COLEC12: variants seen among roughly 807,000 people sequenced by gnomAD.
COLEC12 encodes collectin-12.
A neutral mutation model predicts 71.1 loss-of-function variants in COLEC12; 33 were observed. The ratio of observed to expected loss-of-function variants is 0.46; its 90% CI spans 0.35 to 0.62. COLEC12 has a LOEUF of 0.62. Ranked by LOEUF, COLEC12 falls within the 20% of genes least tolerant of loss-of-function variation. COLEC12 has a pLI of 0.00. For missense variants in COLEC12, 765 were observed against 916.1 expected (o/e 0.84, Z 2.13); for synonymous variants, 350 against 353.0 (o/e 0.99, Z 0.10).
intron 2 of COLEC12, among the ~76,000 whole-genome samples, chr18:384,742 C>G (rs1465912699): frequency 6.6e-6 from 1 of 152,178 alleles, no homozygotes; most frequent in Admixed American, 6.5e-5. Context: ...TTCCAGGTGT[C>G]TTTGATTCTA....
At chr18:373,585 G>A (rs1402565904) in intron 2 of COLEC12, among the ~76,000 whole-genome samples, 1 of 152,096 alleles carries the variant, frequency 6.6e-6, no homozygotes, top group Non-Finnish European at 1.5e-5. Context: ...TACATTCCAG[G>A]GCATGGGATC....
intron 2 of COLEC12, among the ~76,000 whole-genome samples, chr18:373,167 A>G (rs531497871): frequency 6.6e-6 from 1 of 152,330 alleles, no homozygotes; most frequent in Admixed American, 6.5e-5. Context: ...CAATTGAGGA[A>G]CAAATACACA....
intron 2 of COLEC12, chr18:423,757 T>G (rs28706318): frequency 0.24 from 35,804 of 151,848 alleles, 4,503 homozygotes; most frequent in Middle Eastern, 0.33. Context: ...TGTTTTTTTT[T>G]GTTTTGTTTT....
intron 7 of COLEC12, among the ~76,000 whole-genome samples, chr18:332,162 C>T (rs1233698525): frequency 1.3e-5 from 2 of 152,214 alleles, no homozygotes; most frequent in African/African-American, 2.4e-5. Context: ...GTGTGTTGCA[C>T]GCAGTGTGTC....
intron 2 of COLEC12, among the ~76,000 whole-genome samples, chr18:463,565 G>A (rs1055790334): frequency 2.0e-5 from 3 of 152,122 alleles, no homozygotes; most frequent in Non-Finnish European, 2.9e-5. Context: ...CTGGGAGTTC[G>A]CTGAGACTGC....
intron 5 of COLEC12, among the ~76,000 whole-genome samples, chr18:345,365 G>A (rs927439171): frequency 9.2e-5 from 14 of 152,110 alleles, no homozygotes; most frequent in South Asian, 2.1e-4. Flanking sequence ...CAGATTATAC[G>A]TATGTATTCA....
intron 2 of COLEC12, among the ~76,000 whole-genome samples, chr18:368,675 T>G (rs12968429): frequency 5.3e-5 from 8 of 151,594 alleles, no homozygotes; most frequent in South Asian, 2.1e-4. Context: ...CCAGCCTGGC[T>G]AACATGGTGA....
At chr18:492,711 C>A (rs1280620645) in intron 1 of COLEC12, among the ~76,000 whole-genome samples, 1 of 151,898 alleles carries the variant, frequency 6.6e-6, no homozygotes, top group Non-Finnish European at 1.5e-5. Context: ...AAAAAGAGGT[C>A]TTTGGTTTAA....
At chr18:473,591 G>T (rs915570569) in intron 2 of COLEC12, among the ~76,000 whole-genome samples, 1 of 152,132 alleles carries the variant, frequency 6.6e-6, no homozygotes, top group African/African-American at 2.4e-5. Flanking sequence ...TCGAACCCCT[G>T]ACCTCAGGTG....
intron 2 of COLEC12, among the ~76,000 whole-genome samples, chr18:358,495 G>A (rs984807104): frequency 2.0e-5 from 3 of 152,150 alleles, no homozygotes; most frequent in Non-Finnish European, 2.9e-5. Context: ...TATAAGGAGC[G>A]CACAACCTAG....
intron 8 of COLEC12, among the ~76,000 whole-genome samples, chr18:326,405 T>C (rs1047901875): frequency 6.6e-5 from 10 of 152,232 alleles, no homozygotes; most frequent in African/African-American, 2.2e-4. Flanking sequence ...TGGAGTGCTG[T>C]GGTGCGATGT....
chr18:347,865 G>A (rs1009760034), intron 4 of COLEC12, among the ~76,000 whole-genome samples, 200 bp downstream of exon 4: 3 of 152,014 alleles, frequency 2.0e-5, no homozygotes, highest in Non-Finnish European at 2.9e-5. Flanking sequence ...AGTTTTCTTG[G>A]CAGGACTTAA....
intron 2 of COLEC12, among the ~76,000 whole-genome samples, chr18:376,339 A>G (rs1366927665): frequency 2.0e-5 from 3 of 152,320 alleles, no homozygotes; most frequent in Middle Eastern, 3.4e-3. Flanking sequence ...CAATTAAACA[A>G]TGTTTTCATG....
At chr18:401,120 G>C (rs895776070) in intron 2 of COLEC12, among the ~76,000 whole-genome samples, 1 of 152,134 alleles carries the variant, frequency 6.6e-6, no homozygotes, top group South Asian at 2.1e-4. Context: ...AGGGTGGAGT[G>C]GAAGGTAGAC....
At chr18:422,670 A>G (rs1193268385) in intron 2 of COLEC12, among the ~76,000 whole-genome samples, 1 of 151,812 alleles carries the variant, frequency 6.6e-6, no homozygotes, top group African/African-American at 2.4e-5. Flanking sequence ...ATTATTATAG[A>G]TTATTTACAA....
In COLEC12 at chr18:335,050, C is replaced by A; in HGVS notation, c.1508G>T (p.Gly503Val). ...ACGGGAGCCTTTGGGGCCCTGGGAGCCTTTAGATCCTTTGCCGCCACGCTC... is the reference window on the plus strand; with the variant it reads ...ACGGGAGCCTTTGGGGCCCTGGGAGACTTTAGATCCTTTGCCGCCACGCTC... ...PGERGGKGSK[G>V]SQGPKGSRGS... The change falls in exon 6 of 10, where the codon GGC (glycine) becomes GTC (valine). Residue 503 changes from glycine to valine, a missense_variant. Physicochemically the swap from Gly to Val is moderately radical, Grantham distance 109. Coordinates refer to ENST00000400256, the MANE Select transcript of COLEC12 (RefSeq NM_130386.3). 6.2e-7 allele frequency: 1 copy of A among 1,604,136 alleles called. No homozygotes were observed. The highest frequency in any genetic ancestry group is 8.5e-7 in the Non-Finnish European group (1 of 1,177,034).
intron 2 of COLEC12, among the ~76,000 whole-genome samples, chr18:396,550 T>C (rs1488246019): frequency 6.6e-6 from 1 of 152,250 alleles, no homozygotes; most frequent in Non-Finnish European, 1.5e-5. Context: ...TTTAGGGTTT[T>C]CTCCACTGAA....
chr18:382,902 A>C (rs1436888607), intron 2 of COLEC12, among the ~76,000 whole-genome samples: 1 of 152,240 alleles, frequency 6.6e-6, no homozygotes, highest in Non-Finnish European at 1.5e-5. Context: ...TATAGTATTG[A>C]GCATCACCTC....
intron 2 of COLEC12, among the ~76,000 whole-genome samples, chr18:443,669 C>T (rs922140467): frequency 6.6e-6 from 1 of 152,152 alleles, no homozygotes; most frequent in African/African-American, 2.4e-5. Flanking sequence ...GAGAAGGGTT[C>T]TGTTAGCATG....
Sources: gnomAD v4.1 joint callset for allele counts (sites outside exome capture counted in the v4.1 genomes callset) on GRCh38, gnomAD v4.1.1 for gene constraint, MANE v1.5 for transcripts, NCBI Gene and HGNC (gene_info 2026-07-23, HGNC 2026-07-21) for gene names.